FAM110B: variants seen among roughly 807,000 people sequenced by gnomAD.
FAM110B encodes protein FAM110B.
FAM110B carries 6 observed loss-of-function variants against 20.4 expected under a neutral mutation model. That is an observed-to-expected ratio of 0.29 (90% CI 0.16 to 0.58). The LOEUF is 0.58. Among genes scored for constraint, FAM110B ranks in the 20% least tolerant of loss-of-function variants. The pLI is 0.90. For missense variants in FAM110B, 434 were observed against 498.2 expected (o/e 0.87, Z 1.23); for synonymous variants, 226 against 214.1 (o/e 1.06, Z -0.49).
At chr8:58,014,367 A>G (rs1013586925) in intron 1 of FAM110B, among the ~76,000 whole-genome samples, 2 of 152,188 alleles carry the variant, frequency 1.3e-5, no homozygotes, top group African/African-American at 4.8e-5. Flanking sequence ...CAGTTGCTCC[A>G]GAGTTTCTTA....
intron 1 of FAM110B, among the ~76,000 whole-genome samples, chr8:58,013,330 G>A (rs1356866761): frequency 6.6e-6 from 1 of 152,208 alleles, no homozygotes; most frequent in Non-Finnish European, 1.5e-5. Flanking sequence ...CTGTCCCCAT[G>A]GCGGTCTTTG....
chr8:58,032,063 T>C (rs1169773950), intron 2 of FAM110B: 2 of 152,260 alleles, frequency 1.3e-5, no homozygotes, highest in African/African-American at 4.8e-5. Flanking sequence ...TGCTCTGCCA[T>C]TGGTTTGGCT....
chr8:58,052,135 C>T (rs1029779013), intron 2 of FAM110B, among the ~76,000 whole-genome samples: 11 of 152,170 alleles, frequency 7.2e-5, no homozygotes, highest in African/African-American at 2.7e-4. Context: ...TGAGGCTGGG[C>T]ACTGGACAGG....
intron 3 of FAM110B, among the ~76,000 whole-genome samples, chr8:58,139,640 T>C (rs559719273): frequency 1.3e-5 from 2 of 152,284 alleles, no homozygotes; most frequent in African/African-American, 4.8e-5. Flanking sequence ...AGGGAAGATG[T>C]TGAAAAGCAT....
chr8:58,070,145 C>T (rs1805858704), intron 2 of FAM110B: 1 of 152,312 alleles, frequency 6.6e-6, no homozygotes, highest in South Asian at 2.1e-4. Context: ...TGTGCCTTTT[C>T]CTCATTGGTT....
intron 2 of FAM110B, among the ~76,000 whole-genome samples, chr8:58,062,614 G>A (rs1805680027): frequency 6.6e-6 from 1 of 152,168 alleles, no homozygotes; most frequent in Non-Finnish European, 1.5e-5. Context: ...AGCCAGGATA[G>A]GCAGACACAC....
intron 3 of FAM110B, among the ~76,000 whole-genome samples, chr8:58,108,078 G>A (rs1369802597): frequency 1.3e-5 from 2 of 152,072 alleles, no homozygotes; most frequent in African/African-American, 2.4e-5. Flanking sequence ...TTATACATGA[G>A]TTTATATGAA....
intron 2 of FAM110B, among the ~76,000 whole-genome samples, chr8:58,045,252 G>T (rs919531481): frequency 1.3e-5 from 2 of 152,168 alleles, no homozygotes; most frequent in African/African-American, 2.4e-5. Flanking sequence ...CAGGGCTGTG[G>T]CAGGGTGTCA....
intron 3 of FAM110B, among the ~76,000 whole-genome samples, chr8:58,095,448 T>C (rs1806598445): frequency 6.6e-6 from 1 of 152,258 alleles, no homozygotes; most frequent in Non-Finnish European, 1.5e-5. Context: ...GTCTTTTTTC[T>C]CATTGGTTTC....
intron 3 of FAM110B, among the ~76,000 whole-genome samples, chr8:58,084,047 T>C (rs2150598992): frequency 6.6e-6 from 1 of 152,328 alleles, no homozygotes; most frequent in Non-Finnish European, 1.5e-5. Context: ...TATTTGAATC[T>C]TTGGTTCAAA....
At chr8:58,015,482 A>G (rs1804618919) in intron 1 of FAM110B, among the ~76,000 whole-genome samples, 1 of 152,200 alleles carries the variant, frequency 6.6e-6, no homozygotes. Flanking sequence ...AATACAGTGA[A>G]GATAATTTCT....
chr8:58,009,000 C>T (rs1285432852), intron 1 of FAM110B, among the ~76,000 whole-genome samples: 1 of 152,232 alleles, frequency 6.6e-6, no homozygotes, highest in Non-Finnish European at 1.5e-5. Context: ...TTTCCTTCCT[C>T]TCTGCTCTCT....
chr8:58,131,461 CT>C (rs1016980629), intron 3 of FAM110B, among the ~76,000 whole-genome samples: 4 of 152,182 alleles, frequency 2.6e-5, no homozygotes, highest in Non-Finnish European at 5.9e-5. Flanking sequence ...TAAATATCCT[CT>C]CTTGGTTCTG....
intron 3 of FAM110B, among the ~76,000 whole-genome samples, chr8:58,126,683 G>A (rs750270190): frequency 2.6e-5 from 4 of 152,142 alleles, no homozygotes; most frequent in Admixed American, 2.0e-4. Flanking sequence ...CTTTTCATAT[G>A]TCTATTTGCC....
chr8:58,048,048 ACTT>A (rs1805365769), intron 2 of FAM110B, among the ~76,000 whole-genome samples: 1 of 152,182 alleles, frequency 6.6e-6, no homozygotes, highest in Non-Finnish European at 1.5e-5. Flanking sequence ...GATTCTAAAT[ACTT>A]CTTAGTCATC....
At chr8:58,069,440 G>C (rs867805450) in intron 2 of FAM110B, among the ~76,000 whole-genome samples, 2 of 152,164 alleles carry the variant, frequency 1.3e-5, no homozygotes, top group African/African-American at 4.8e-5. Context: ...CTGTAACCCC[G>C]GCAGTCTGGC....
intron 1 of FAM110B, among the ~76,000 whole-genome samples, chr8:58,029,328 A>G (rs559789986): frequency 3.5e-4 from 54 of 152,312 alleles, no homozygotes; most frequent in African/African-American, 1.2e-3. Flanking sequence ...CAGGGAAACT[A>G]TATACTCTTT....
intron 3 of FAM110B, among the ~76,000 whole-genome samples, chr8:58,110,244 T>C (rs1807027587): frequency 6.6e-6 from 1 of 152,142 alleles, no homozygotes; most frequent in Non-Finnish European, 1.5e-5. Context: ...GGGTGGGGGA[T>C]TGTAGTTATT....
At chr8:58,020,177 C>A (rs1204812339) in intron 1 of FAM110B, among the ~76,000 whole-genome samples, 1 of 151,912 alleles carries the variant, frequency 6.6e-6, no homozygotes, top group African/African-American at 2.4e-5. Context: ...TGAAAATGTT[C>A]CATCTCTTCT....
Sources: allele counts gnomAD v4.1 joint callset (sites outside exome capture counted in the v4.1 genomes callset), GRCh38; gene constraint gnomAD v4.1.1; transcripts MANE v1.5; gene names NCBI Gene and HGNC (gene_info 2026-07-23, HGNC 2026-07-21).